PPM1L: variants seen among roughly 807,000 people sequenced by gnomAD.
PPM1L encodes the protein protein phosphatase, Mg2+/Mn2+ dependent 1L.
Under a neutral mutation model 31.4 loss-of-function variants are expected in PPM1L, and 13 were observed. That is an observed-to-expected ratio of 0.41 (90% confidence interval 0.27 to 0.66). The LOEUF is 0.66. Ranked by LOEUF, PPM1L falls within the 30% of genes least tolerant of loss-of-function variation. The probability of loss-of-function intolerance (pLI) is 0.29; values close to 1 mark genes in which losing one functional copy is unlikely to be tolerated. For synonymous variants in PPM1L, 184 were observed against 175.4 expected, an observed-to-expected ratio of 1.05 and a Z score of -0.39; for missense variants, 326 against 453.7, an observed-to-expected ratio of 0.72 and a Z score of 2.56.
chr3:160,917,094 T>A (rs1170573933), intron 1 of PPM1L, among the ~76,000 whole-genome samples: 1 of 152,218 alleles, frequency 6.6e-6, no homozygotes, highest in Non-Finnish European at 1.5e-5. Flanking sequence ...TCTTGAATGC[T>A]ACTTATACTA....
At position 160,944,856 on chromosome 3, in the gene PPM1L, A is replaced by ATATG. The variant is rs1432181106; in HGVS notation, c.400-16879_400-16878insATGT. The stretch of plus-strand genomic sequence containing the variant: ...CATATATATGTTATATATAACATAT[A>ATATG]TTATATATAATGTTATATATAACAT... On this transcript the variant is annotated intron_variant, in intron 1 of 3. Coordinates refer to ENST00000498165, the MANE Select transcript of PPM1L (RefSeq NM_139245.4). 9.8e-3 allele frequency among the ~76,000 whole-genome samples: 448 copies of ATATG among 45,892 alleles called. 92 individuals are homozygous for ATATG. The highest frequency in any genetic ancestry group is 0.018 in the African/African-American group (281 of 16,014). The allele number at this position is 45,892 out of a possible 152,430, so 30.1% of individuals were successfully genotyped here. A position where few individuals can be genotyped will look rare whatever the true frequency, so the allele number is the denominator to read the frequency against.
intron 1 of PPM1L, among the ~76,000 whole-genome samples, chr3:160,785,272 AT>A (rs1364223396): frequency 2.0e-5 from 3 of 152,170 alleles, no homozygotes; most frequent in Non-Finnish European, 4.4e-5. Context: ...TTTTCTATAC[AT>A]TTTTAAGTGT....
At chr3:160,889,420 G>A (rs1478987576) in intron 1 of PPM1L, among the ~76,000 whole-genome samples, 2 of 152,052 alleles carry the variant, frequency 1.3e-5, no homozygotes, top group Non-Finnish European at 2.9e-5. Flanking sequence ...TAAATACTTG[G>A]ACATATACAC....
intron 1 of PPM1L, among the ~76,000 whole-genome samples, chr3:160,800,338 A>G (rs1183175890): frequency 6.6e-6 from 1 of 152,138 alleles, no homozygotes; most frequent in Admixed American, 6.5e-5. Context: ...GGAGAGACCT[A>G]TGTTCTACTT....
chr3:160,987,456 C>T (rs1331344166), intron 2 of PPM1L, among the ~76,000 whole-genome samples: 1 of 152,106 alleles, frequency 6.6e-6, no homozygotes, highest in Admixed American at 6.6e-5. Flanking sequence ...TTCACTATAC[C>T]CAAACTTGAT....
intron 1 of PPM1L, among the ~76,000 whole-genome samples, chr3:160,842,649 T>C (rs1227016517): frequency 6.6e-6 from 1 of 152,184 alleles, no homozygotes; most frequent in East Asian, 1.9e-4. Flanking sequence ...TTTTTCCTTC[T>C]CTCATTTAAG....
At chr3:160,916,057 A>G (rs1246499616) in intron 1 of PPM1L, among the ~76,000 whole-genome samples, 1 of 152,218 alleles carries the variant, frequency 6.6e-6, no homozygotes, top group Non-Finnish European at 1.5e-5. Flanking sequence ...AAATAGACAA[A>G]TGGGATCTAA....
intron 2 of PPM1L, among the ~76,000 whole-genome samples, chr3:160,964,830 A>G (rs190583735): frequency 2.6e-4 from 40 of 152,082 alleles, no homozygotes; most frequent in Non-Finnish European, 5.0e-4. Flanking sequence ...TTGCAAAACC[A>G]AAAGTTACTA....
rs1719869478 is a variant in PPM1L at position 161,070,376 on chromosome 3, G to A, written c.*1219G>A. ...TGCAAATCTCCATCCACATCAGGGA[G>A]CTTTCCCCAGGCAAATACAAACCGC... On this transcript the variant is annotated 3_prime_UTR_variant, in exon 4 of 4. Coordinates refer to ENST00000498165, the MANE Select transcript of PPM1L (RefSeq NM_139245.4). 6.6e-6 allele frequency: 1 copy of A among 152,200 alleles called. No homozygotes were observed. The highest frequency in any genetic ancestry group is 1.5e-5 in the Non-Finnish European group (1 of 68,040). 9.4% of individuals were successfully genotyped at this position (152,200 alleles called of 1,614,324 possible).
rs923465878 is a variant in PPM1L, at chr3:160,949,936, T to C, written c.400-11800T>C. Among the ~76,000 whole-genome samples the C allele has an allele frequency of 3.3e-5, 5 of 152,336 alleles. No individual in the cohort carries two copies. In the East Asian group the frequency reaches 9.6e-4, roughly 29 times the overall value. On this transcript the variant is annotated intron_variant, in intron 1 of 3. Transcript: ENST00000498165. ...GCAGTAGATGCTACTGAATTTGTTCTTTATTTACCCATATGTGAGATACAA... is the reference window on the plus strand; with the variant it reads ...GCAGTAGATGCTACTGAATTTGTTCCTTATTTACCCATATGTGAGATACAA...
intron 1 of PPM1L, among the ~76,000 whole-genome samples, chr3:160,811,223 T>C (rs924007475): frequency 6.6e-6 from 1 of 152,364 alleles, no homozygotes; most frequent in Admixed American, 6.5e-5. Context: ...GGAATGTATA[T>C]GAAGTGACTA....
At position 160,889,803 on chromosome 3, in the gene PPM1L, C is replaced by T. The variant is rs1713070602; in HGVS notation, c.400-71933C>T. On this transcript the variant is annotated intron_variant, in intron 1 of 3. Transcript: ENST00000498165. ...GTAGCATATCAAAAAACGTATCCACCACAATCAAGTCAGCTTCATCCCTGG... is the reference window on the plus strand; with the variant it reads ...GTAGCATATCAAAAAACGTATCCACTACAATCAAGTCAGCTTCATCCCTGG... Among the ~76,000 whole-genome samples the T allele has an allele frequency of 3.9e-5, 6 of 152,268 alleles. No individual in the cohort carries two copies. In the South Asian group the frequency reaches 1.0e-3, roughly 26 times the overall value.
intron 1 of PPM1L, among the ~76,000 whole-genome samples, chr3:160,939,331 T>C (rs1383479873): frequency 6.6e-6 from 1 of 152,202 alleles, no homozygotes; most frequent in Non-Finnish European, 1.5e-5. Context: ...CCTTTATGTC[T>C]TTATATAGAA....
At chr3:161,015,022 T>C (rs1203561823) in intron 2 of PPM1L, among the ~76,000 whole-genome samples, 1 of 151,226 alleles carries the variant, frequency 6.6e-6, no homozygotes, top group Non-Finnish European at 1.5e-5. Flanking sequence ...AGGTCACAGT[T>C]GTAAATCAAG....
intron 2 of PPM1L, among the ~76,000 whole-genome samples, chr3:160,994,859 G>A (rs190284625): frequency 1.7e-4 from 26 of 152,248 alleles, no homozygotes; most frequent in Middle Eastern, 3.4e-3. Flanking sequence ...AGAGGCTGAG[G>A]CACAGGCAGT....
intron 1 of PPM1L, among the ~76,000 whole-genome samples, chr3:160,849,831 T>C (rs898203987): frequency 2.0e-5 from 3 of 152,216 alleles, no homozygotes; most frequent in East Asian, 3.8e-4. Flanking sequence ...CCCAAAGTGC[T>C]GGGAACTTGG....
At chr3:161,065,258 C>T (rs898683) in intron 2 of PPM1L, 145 bp from the exon 3 acceptor site, 135,933 of 686,044 alleles carry the variant, frequency 0.2, 14,274 homozygotes, top group Admixed American at 0.28. Flanking sequence ...TCGAAGTGAA[C>T]AGCCATCATT....
chr3:160,815,672 G>T (rs148124519), intron 1 of PPM1L, among the ~76,000 whole-genome samples: 1 of 152,042 alleles, frequency 6.6e-6, no homozygotes, highest in Non-Finnish European at 1.5e-5. Flanking sequence ...TCATAATATA[G>T]TATCTATCAT....
At chr3:160,930,218 C>T (rs1455872716) in intron 1 of PPM1L, among the ~76,000 whole-genome samples, 4 of 151,742 alleles carry the variant, frequency 2.6e-5, no homozygotes, top group African/African-American at 7.3e-5. Context: ...ATTTCATGAA[C>T]ATGTCTTGGT....
Sources: gnomAD v4.1 joint callset for allele counts (sites outside exome capture counted in the v4.1 genomes callset) on GRCh38, gnomAD v4.1.1 for gene constraint, MANE v1.5 for transcripts, NCBI Gene and HGNC (gene_info 2026-07-23, HGNC 2026-07-21) for gene names.